The following PCSK1 variants were observed in gnomAD, a reference collection of about 807,000 sequenced individuals.
PCSK1 encodes the protein proprotein convertase subtilisin/kexin type 1, also known as neuroendocrine convertase 1.
Under a neutral mutation model 90.6 loss-of-function variants are expected in PCSK1, and 56 were observed. The observed-to-expected ratio is 0.62, with a 90% confidence interval of 0.50 to 0.77. The LOEUF (loss-of-function observed/expected upper bound fraction) is 0.77, where lower values mean the gene tolerates loss of function less well. Ranked by LOEUF, PCSK1 falls within the 30% of genes least tolerant of loss-of-function variation. The pLI, the probability that PCSK1 is intolerant of heterozygous loss-of-function variation, is 0.00. For synonymous variants in PCSK1, 348 were observed against 342.4 expected (o/e 1.02, Z -0.18); for missense variants, 801 against 932.6 (o/e 0.86, Z 1.84).
chr5:96,412,465 C>G lies in PCSK1; in HGVS notation c.735G>C (p.Val245=). The change falls in exon 7 of 14, where the codon GTG becomes GTC. Residue 245 remains valine (V), a synonymous_variant. Coordinates refer to ENST00000311106, the MANE Select transcript of PCSK1 (RefSeq NM_000439.5). ...VGGIRMLDGI[V]TDAIEASSIG... is the part of the protein sequence containing the mutation. ...TTGAACTGGCCTCAATAGCATCCGTCACAATGCCATCCAGCATTCTTATGC... is the reference window on the plus strand; with the variant it reads ...TTGAACTGGCCTCAATAGCATCCGTGACAATGCCATCCAGCATTCTTATGC... The G allele has an allele frequency of 6.2e-7, 1 of 1,614,128 alleles. No homozygotes were observed. The highest frequency in any genetic ancestry group is 8.5e-7 in the Non-Finnish European group (1 of 1,180,000).
At chr5:96,423,595 G>T (rs1359169769) in intron 3 of PCSK1, 136 bp from the exon 4 acceptor site, 4 of 787,508 alleles carry the variant, frequency 5.1e-6, no homozygotes, top group East Asian at 5.3e-5. Flanking sequence ...CCAATTCAGT[G>T]AAATGAGAAA....
At chr5:96,401,243 A>G (rs1044060915) in intron 9 of PCSK1, among the ~76,000 whole-genome samples, 1 of 152,136 alleles carries the variant, frequency 6.6e-6, no homozygotes, top group African/African-American at 2.4e-5. Context: ...ATCTAGGAAA[A>G]CTTTGTGGGG....
intron 13 of PCSK1, 127 bp from the exon 14 acceptor site, chr5:96,393,505 T>C: frequency 2.7e-6 from 3 of 1,110,526 alleles, no homozygotes; most frequent in Non-Finnish European, 4.0e-6. Flanking sequence ...GGGAGAGAGT[T>C]CAAGACTGGG....
chr5:96,394,758 A>G, intron 13 of PCSK1, 106 bp downstream of exon 13: 2 of 958,590 alleles, frequency 2.1e-6, no homozygotes, highest in East Asian at 2.4e-5. Flanking sequence ...TATCCTCCCC[A>G]TCCATGTTTG....
At position 96,423,355 on chromosome 5, in the gene PCSK1, A is replaced by G; in HGVS notation, c.501T>C (p.Asp167=). 1 of 1,613,538 alleles carries G rather than the reference A, an allele frequency of 6.2e-7. No homozygotes were observed. The highest frequency in any genetic ancestry group is 8.5e-7 in the Non-Finnish European group (1 of 1,179,758). The stretch of plus-strand genomic sequence containing the variant: ...CCGTGTGATTCCACTCCAAACCATC[A>G]TCCAGTACGGTGATAACAACTCCTT... ...TGKGVVITVL[D]DGLEWNHTDI... is the part of the protein sequence containing the mutation. Residue 167 remains aspartate, a synonymous_variant, in exon 4 of 14, where the codon GAT becomes GAC. Coordinates refer to ENST00000311106, the MANE Select transcript of PCSK1 (RefSeq NM_000439.5).
chr5:96,406,897 C>T (rs1166210172), intron 9 of PCSK1, among the ~76,000 whole-genome samples: 1 of 152,112 alleles, frequency 6.6e-6, no homozygotes, highest in Non-Finnish European at 1.5e-5. Context: ...CATCAGAAAG[C>T]AGGAATGAGG....
chr5:96,423,371 A>T lies in PCSK1; in HGVS notation c.485T>A (p.Val162Asp). The T allele has an allele frequency of 1.2e-6, 2 of 1,613,948 alleles. No individual in the cohort carries two copies. The change falls in exon 4 of 14, where the codon GTT becomes GAT. Residue 162 changes from valine to aspartate, a missense_variant. Coordinates refer to ENST00000311106, the MANE Select transcript of PCSK1 (RefSeq NM_000439.5). ...CAAACCATCATCCAGTACGGTGATA[A>T]CAACTCCTTTGCCCGTAATGCCTTT... ...WQKGITGKGV[V>D]ITVLDDGLEW...
chr5:96,401,886 A>G (rs1325983619), intron 9 of PCSK1, among the ~76,000 whole-genome samples: 1 of 152,228 alleles, frequency 6.6e-6, no homozygotes, highest in Non-Finnish European at 1.5e-5. Context: ...GAGACTGAAC[A>G]TGCCTAAGTG....
intron 9 of PCSK1, among the ~76,000 whole-genome samples, chr5:96,404,465 G>C (rs927641744): frequency 1.3e-5 from 2 of 152,130 alleles, no homozygotes; most frequent in Non-Finnish European, 2.9e-5. Context: ...ATTTCTTTGT[G>C]CATATTCAGC....
Position 96,402,997 on chromosome 5 carries a change from A to G in PCSK1, c.1197-2811T>C, listed in dbSNP as rs148917895. 4.7e-4 allele frequency among the ~76,000 whole-genome samples: 72 copies of G among 152,298 alleles called. No individual in the cohort carries two copies. In the East Asian group the frequency reaches 0.011, roughly 24 times the overall value. On this transcript the variant is annotated intron_variant, in intron 9 of 13. Transcript: ENST00000311106. ...TAAAAGCCTCTTATCAAGGCAGTCA[A>G]TGGGCAACACACCAGTTTTCCGTTT...
intron 10 of PCSK1, among the ~76,000 whole-genome samples, chr5:96,399,687 G>A (rs1760285419): frequency 6.6e-6 from 1 of 152,200 alleles, no homozygotes; most frequent in Non-Finnish European, 1.5e-5. Flanking sequence ...GTTGATCACA[G>A]TTTAATTGAC....
At chr5:96,421,363 T>G (rs1211338651) in intron 5 of PCSK1, among the ~76,000 whole-genome samples, 1 of 149,754 alleles carries the variant, frequency 6.7e-6, no homozygotes, top group Non-Finnish European at 1.5e-5. Context: ...CCCTGGAGAC[T>G]GTGTTGGATT....
chr5:96,425,009 AAAGAAAGAAAGAAAGAAAGAAAG>A (rs1206594815), intron 3 of PCSK1, among the ~76,000 whole-genome samples: 64 of 8,632 alleles, frequency 7.4e-3, no homozygotes, highest in Non-Finnish European at 0.015. Flanking sequence ...GAAAGAAAGA[AAAGAAAGAAAGAAAGAAAGAAAG>A]AAAGAAAGAA....
intron 9 of PCSK1, among the ~76,000 whole-genome samples, chr5:96,401,410 T>C (rs271921): frequency 0.7 from 107,076 of 152,130 alleles, 38,962 homozygotes; most frequent in African/African-American, 0.89. Flanking sequence ...GTGAGGAGTA[T>C]TGGGCCAGAG....
intron 8 of PCSK1, 148 bp downstream of exon 8, chr5:96,410,626 G>A: frequency 2.8e-6 from 2 of 723,256 alleles, no homozygotes; most frequent in South Asian, 3.0e-5. Context: ...ATGGATGCCA[G>A]CCTTTCAAGT....
At chr5:96,425,012 G>GA (rs1761245800) in intron 3 of PCSK1, among the ~76,000 whole-genome samples, 1 of 19,740 alleles carries the variant, frequency 5.1e-5, no homozygotes, top group African/African-American at 1.7e-4. Context: ...AGAAAGAAAA[G>GA]AAAGAAAGAA....
At chr5:96,428,650 A>G (rs1761392607) in intron 2 of PCSK1, among the ~76,000 whole-genome samples, 1 of 152,208 alleles carries the variant, frequency 6.6e-6, no homozygotes, top group Non-Finnish European at 1.5e-5. Context: ...TTACTTATGG[A>G]AACATTTGCC....
chr5:96,402,291 A>G lies in PCSK1; in HGVS notation c.1197-2105T>C, dbSNP rs1247345205. Among the ~76,000 whole-genome samples, 6 of 152,332 alleles carry G rather than the reference A, an allele frequency of 3.9e-5. 1 individual carries two copies. The highest frequency in any genetic ancestry group is 4.1e-4 in the South Asian group (2 of 4,828). On this transcript the variant is annotated intron_variant, in intron 9 of 13. Transcript: ENST00000311106. ...GACACACGGGGAAGCTGCCCTCCCC[A>G]TGCAGACACAGTGTGCAGTTTGTGG...
Position 96,397,282 on chromosome 5 carries a change from T to C in PCSK1, c.1722+54A>G, listed in dbSNP as rs271920. The C allele has an allele frequency of 0.37, 567,311 of 1,529,380 alleles. 107,747 individuals carry two copies. The highest frequency in any genetic ancestry group is 0.46 in the Admixed American group (26,797 of 58,650). 94.7% of individuals were successfully genotyped at this position (1,529,380 alleles called of 1,614,324 possible). The stretch of plus-strand genomic sequence containing the variant: ...ATGATGAAATCAACCTTAAAAGTGC[T>C]TCAAAATGTTTAAAAGTAAGCTTGT... On this transcript the variant is annotated intron_variant, in intron 12 of 13. Coordinates refer to ENST00000311106, the MANE Select transcript of PCSK1 (RefSeq NM_000439.5).
Sources: allele counts gnomAD v4.1 joint callset (sites outside exome capture counted in the v4.1 genomes callset), GRCh38; gene constraint gnomAD v4.1.1; transcripts MANE v1.5; gene names NCBI Gene and HGNC (gene_info 2026-07-23, HGNC 2026-07-21).